NRG1: variants seen among roughly 807,000 people sequenced by gnomAD.
NRG1 encodes the protein neuregulin 1.
In NRG1, 18 loss-of-function variants were observed where a neutral mutation model predicts 63.8. The observed-to-expected ratio is 0.28, with a 90% CI of 0.19 to 0.42. The LOEUF (loss-of-function observed/expected upper bound fraction) is 0.42. Ranked by LOEUF, NRG1 falls within the 10% of genes least tolerant of loss-of-function variation. The pLI, the probability that NRG1 is intolerant of heterozygous loss-of-function variation, is 1.00. For synonymous variants in NRG1, 302 were observed against 301.3 expected, an observed-to-expected ratio of 1.00 and a Z score of -0.02; for missense variants, 762 against 814.7, an observed-to-expected ratio of 0.94 and a Z score of 0.79.
chr8:32,060,125 AT>A (rs1823598378), intron 1 of NRG1, among the ~76,000 whole-genome samples: 1 of 151,836 alleles, frequency 6.6e-6, no homozygotes, highest in African/African-American at 2.4e-5. Flanking sequence ...TTATTAGAGT[AT>A]CTTTTGTCTT....
At chr8:31,719,932 C>T (rs1192694022) in intron 1 of NRG1, among the ~76,000 whole-genome samples, 1 of 151,920 alleles carries the variant, frequency 6.6e-6, no homozygotes, top group African/African-American at 2.4e-5. Flanking sequence ...TTAGTTTAGA[C>T]ATAGCTTTTC....
At chr8:31,717,709 A>G (rs1366879093) in intron 1 of NRG1, among the ~76,000 whole-genome samples, 2 of 152,132 alleles carry the variant, frequency 1.3e-5, no homozygotes, top group African/African-American at 4.8e-5. Flanking sequence ...TAAAACAGTA[A>G]ATTTGATTTT....
intron 3 of NRG1, 43 bp downstream of exon 3, chr8:32,605,726 G>A (rs1845148106): frequency 1.2e-6 from 2 of 1,604,112 alleles, no homozygotes; most frequent in African/African-American, 1.3e-5. Flanking sequence ...TCTGTAACAA[G>A]AGTAATCAAA....
At chr8:31,693,497 T>TTA (rs568988541) in intron 1 of NRG1, among the ~76,000 whole-genome samples, 1 of 145,376 alleles carries the variant, frequency 6.9e-6, no homozygotes, top group African/African-American at 2.6e-5. Context: ...TAAAATGCAG[T>TTA]AAAAAAAAAA....
At chr8:32,237,362 A>G (rs545767114) in intron 1 of NRG1, among the ~76,000 whole-genome samples, 1 of 152,200 alleles carries the variant, frequency 6.6e-6, no homozygotes, top group South Asian at 2.1e-4. Context: ...ATAATTTCCA[A>G]CATCCCCTGG....
At chr8:32,692,618 A>G (rs185419550) in intron 5 of NRG1, among the ~76,000 whole-genome samples, 2 of 152,320 alleles carry the variant, frequency 1.3e-5, no homozygotes, top group East Asian at 3.9e-4. Flanking sequence ...GTGTGCAATG[A>G]ACAACAGCAT....
chr8:32,536,322 C>G (rs1831961349), intron 1 of NRG1, among the ~76,000 whole-genome samples: 1 of 152,110 alleles, frequency 6.6e-6, no homozygotes, highest in Non-Finnish European at 1.5e-5. Flanking sequence ...AGGGGCAGCT[C>G]CAAGCTCTCA....
intron 1 of NRG1, among the ~76,000 whole-genome samples, chr8:32,151,828 A>G (rs1292923870): frequency 6.6e-6 from 1 of 152,132 alleles, no homozygotes; most frequent in African/African-American, 2.4e-5. Context: ...TGTTCATAAA[A>G]TTCCAGTGTT....
intron 1 of NRG1, among the ~76,000 whole-genome samples, chr8:31,856,149 A>G (rs2129609762): frequency 6.6e-6 from 1 of 152,072 alleles, no homozygotes; most frequent in South Asian, 2.1e-4. Context: ...CCTGAATCTG[A>G]ATGTTGGCCT....
intron 1 of NRG1, among the ~76,000 whole-genome samples, chr8:32,185,991 G>A (rs1419223277): frequency 1.3e-5 from 2 of 152,122 alleles, no homozygotes; most frequent in Non-Finnish European, 2.9e-5. Flanking sequence ...ACTGTTCTGA[G>A]GTTAGATCTT....
At chr8:32,487,750 C>G (rs1826077351) in intron 1 of NRG1, among the ~76,000 whole-genome samples, 1 of 152,128 alleles carries the variant, frequency 6.6e-6, no homozygotes, top group South Asian at 2.1e-4. Context: ...TTCTGTGGAT[C>G]AGAAGCATTT....
At chr8:32,626,536 T>C (rs1227074955) in intron 5 of NRG1, among the ~76,000 whole-genome samples, 1 of 151,776 alleles carries the variant, frequency 6.6e-6, no homozygotes, top group Non-Finnish European at 1.5e-5. Context: ...AAAAATTAGC[T>C]GGGCATGGTG....
intron 1 of NRG1, among the ~76,000 whole-genome samples, chr8:32,361,028 A>G (rs766732038): frequency 1.3e-5 from 2 of 152,134 alleles, no homozygotes; most frequent in Non-Finnish European, 2.9e-5. Context: ...TCAGAAATGA[A>G]CTTGGCTGTC....
At chr8:31,799,888 A>G (rs1233298025) in intron 1 of NRG1, among the ~76,000 whole-genome samples, 1 of 152,126 alleles carries the variant, frequency 6.6e-6, no homozygotes, top group Non-Finnish European at 1.5e-5. Flanking sequence ...TTTAGAACCA[A>G]TCAAGGAAGA....
At chr8:31,957,851 C>A (rs190347685) in intron 1 of NRG1, among the ~76,000 whole-genome samples, 56 of 152,178 alleles carry the variant, frequency 3.7e-4, no homozygotes, top group African/African-American at 1.2e-3. Flanking sequence ...AGAGAGAGAG[C>A]GCACTATTTC....
At chr8:32,590,092 A>C (rs771277842) in intron 1 of NRG1, among the ~76,000 whole-genome samples, 13 of 152,188 alleles carry the variant, frequency 8.5e-5, no homozygotes, top group Admixed American at 5.9e-4. Flanking sequence ...GTGATCTTTT[A>C]AGATATTTGA....
chr8:31,928,400 G>A (rs1182826622), intron 1 of NRG1, among the ~76,000 whole-genome samples: 2 of 145,930 alleles, frequency 1.4e-5, no homozygotes, highest in Admixed American at 6.8e-5. Context: ...CTGCTGGTGG[G>A]AATGTAAATT....
intron 1 of NRG1, among the ~76,000 whole-genome samples, chr8:32,343,511 T>C (rs1044256326): frequency 1.3e-5 from 2 of 152,196 alleles, no homozygotes; most frequent in Non-Finnish European, 2.9e-5. Flanking sequence ...CTATGAACTT[T>C]AGAAACTTTA....
intron 1 of NRG1, among the ~76,000 whole-genome samples, chr8:32,398,408 A>C (rs73592164): frequency 0.19 from 20,161 of 108,230 alleles, 1,434 homozygotes; most frequent in East Asian, 0.35. Context: ...ATTTCCACCC[A>C]AATTTTTTTT....
Sources: gnomAD v4.1 joint callset for allele counts (sites outside exome capture counted in the v4.1 genomes callset) on GRCh38, gnomAD v4.1.1 for gene constraint, MANE v1.5 for transcripts, NCBI Gene and HGNC (gene_info 2026-07-23, HGNC 2026-07-21) for gene names.